The following TAP2 variants were observed in gnomAD, a reference collection of about 807,000 sequenced individuals.
TAP2 encodes the protein antigen peptide transporter 2.
In TAP2, 49 loss-of-function variants were observed where a neutral mutation model predicts 74.7. That is an observed-to-expected ratio of 0.66 (90% CI 0.52 to 0.83). The LOEUF (loss-of-function observed/expected upper bound fraction) is 0.83. Ranked by LOEUF, TAP2 falls within the 40% of genes least tolerant of loss-of-function variation. TAP2 has a pLI of 0.00. For missense variants in TAP2, 739 were observed against 859.0 expected (o/e 0.86, Z 1.75); for synonymous variants, 306 against 368.4 (o/e 0.83, Z 1.94).
chr6:32,828,880 A>G lies in TAP2; in HGVS notation c.*26T>C. On this transcript the variant is annotated 3_prime_UTR_variant, in exon 12 of 12. Coordinates refer to ENST00000374897, the MANE Select transcript of TAP2 (RefSeq NM_001290043.2). The stretch of plus-strand genomic sequence containing the variant: ...TCAGTCCATCAGCCGCTGCTGCACC[A>G]GGCGGGAATAGAGGTCCTGTCCCTC... 1 of 1,524,434 alleles carries G rather than the reference A, an allele frequency of 6.6e-7. No individual in the cohort carries two copies. The highest frequency in any genetic ancestry group is 8.9e-7 in the Non-Finnish European group (1 of 1,128,868). The allele number at this position is 1,524,434 out of a possible 1,614,324, so 94.4% of individuals were successfully genotyped here.
Position 32,829,015 on chromosome 6 carries a change from C to A in TAP2, c.1952G>T (p.Arg651Leu), listed in dbSNP as rs183316663. 2 of 1,550,236 alleles carry A rather than the reference C, an allele frequency of 1.3e-6. No homozygotes were observed. Among genetic ancestry groups the A allele is most frequent in the African/African-American group, 2.7e-5 (2 of 73,160 alleles). Residue 651 changes from arginine (R) to leucine (L), a missense_variant, in exon 12 of 12, where the codon CGT becomes CTT. Arg to Leu is a moderately radical substitution (Grantham distance 102). Coordinates refer to ENST00000374897, the MANE Select transcript of TAP2 (RefSeq NM_001290043.2). ...AATCACCAGCACTGTGCGATCCCCA[C>A]GGGAATTCCAGTCCTGCAGCTGAAG... ...CEQALQDWNSRGDRTVLVIAH... is the reference protein window; with the variant it reads ...CEQALQDWNSLGDRTVLVIAH...
At position 32,828,455 on chromosome 6, in the gene TAP2, C is replaced by T. The variant is rs1323696217; in HGVS notation, c.*451G>A. On this transcript the variant is annotated 3_prime_UTR_variant, in exon 12 of 12. Transcript: ENST00000374897. Reference sequence around the variant, plus strand: ...ACAGATAAACGACTGATGGGACAGGCAGCAAAATAGCAACTATGGTTATCT... The same window carrying T: ...ACAGATAAACGACTGATGGGACAGGTAGCAAAATAGCAACTATGGTTATCT... The T allele has an allele frequency of 1.0e-6, 1 of 983,978 alleles. No individual in the cohort carries two copies. The highest frequency in any genetic ancestry group is 6.1e-5 in the Admixed American group (1 of 16,384). 61.0% of individuals were successfully genotyped at this position (983,978 alleles called of 1,614,324 possible).
rs1769338437 is a variant in TAP2 at position 32,835,238 on chromosome 6, G to A, written c.861C>T (p.Ser287=). The A allele has an allele frequency of 1.9e-6, 3 of 1,613,098 alleles. No homozygotes were observed. Among genetic ancestry groups the A allele is most frequent in the Non-Finnish European group, 2.5e-6 (3 of 1,180,048 alleles). Residue 287 remains serine (S), a synonymous_variant, in exon 5 of 12, where the codon AGC becomes AGT. Transcript: ENST00000374897. The surrounding 1 kb of genome is among the most constrained non-coding windows in gnomAD (Gnocchi z 4.0). ...KVVGLYGFML[S]ISPRLTLLSL... The stretch of plus-strand genomic sequence containing the variant: ...AAAGGAGGGTGAGTCGAGGCGATAT[G>A]CTGAGCATGAAGCCATACAGCCCCA...
At position 32,828,242 on chromosome 6, in the gene TAP2, C is replaced by A. The variant is rs241455; in HGVS notation, c.*664G>T. On this transcript the variant is annotated 3_prime_UTR_variant, in exon 12 of 12. Coordinates refer to ENST00000374897, the MANE Select transcript of TAP2 (RefSeq NM_001290043.2). ...AAAACACTTAGCATAGCTCCTACTC[C>A]CATTAAAACTCTATAAATGGTAGCT... 0.25 allele frequency: 242,340 copies of A among 972,548 alleles called. 31,368 individuals carry two copies. Among genetic ancestry groups the A allele is most frequent in the South Asian group, 0.41 (8,498 of 20,932 alleles). The allele number at this position is 972,548 out of a possible 1,614,324, so 60.2% of individuals were successfully genotyped here.
At chr6:32,836,060 G>T (rs1382932282) in intron 3 of TAP2, among the ~76,000 whole-genome samples, 3 of 152,148 alleles carry the variant, frequency 2.0e-5, no homozygotes, top group African/African-American at 4.8e-5. Context: ...AGACACAATA[G>T]AAAACTACAA....
downstream of TAP2, chr6:32,821,999 A>G: frequency 2.5e-6 from 1 of 392,786 alleles, no homozygotes; most frequent in Non-Finnish European, 4.6e-6. Flanking sequence ...AAACAAAAGA[A>G]ATAGTTAGAA....
rs1260077461 is a variant in TAP2, at chr6:32,830,731, G to A, written c.1348C>T (p.Gln450Ter). 3 of 1,612,908 alleles carry A rather than the reference G, an allele frequency of 1.9e-6. No homozygotes were observed. Among genetic ancestry groups the A allele is most frequent in the Non-Finnish European group, 1.7e-6 (2 of 1,180,030 alleles). Residue 450 changes from glutamine to a stop codon, truncating the protein, a stop_gained, in exon 8 of 12, where the codon CAG becomes TAG. Coordinates refer to ENST00000374897, the MANE Select transcript of TAP2 (RefSeq NM_001290043.2). LOFTEE classifies it high-confidence loss of function. Reference protein sequence around the residue: ...AEKVFSYMDRQPNLPSPGTLA... With the variant: ...AEKVFSYMDR Reference sequence around the variant, plus strand: ...GTGCCAGGTGAAGGCAGATTTGGCTGTCGGTCCATGTAGGAGAAAACCTTC... The same window carrying A: ...GTGCCAGGTGAAGGCAGATTTGGCTATCGGTCCATGTAGGAGAAAACCTTC...
intron 1 of TAP2, 120 bp downstream of exon 1, chr6:32,838,533 C>G: frequency 2.7e-6 from 1 of 364,962 alleles, no homozygotes; most frequent in Non-Finnish European, 4.9e-6. Flanking sequence ...GCTAAGTGGT[C>G]CGGGCTCCGC....
Position 32,830,351 on chromosome 6 carries a change from C to A in TAP2, c.1551G>T (p.Gln517His). Residue 517 changes from glutamine (Q) to histidine (H), a missense_variant, in exon 9 of 12, where the codon CAG (glutamine) becomes CAT (histidine). Transcript: ENST00000374897. ...GTCCCCCTGTGGGCTGGTACAGATT[C>A]TGCAGCAGGGCAGCCACTGTGCTCT... Reference protein sequence around the residue: ...SGKSTVAALLQNLYQPTGGQV... With the variant: ...SGKSTVAALLHNLYQPTGGQV... 1 of 1,613,134 alleles carries A rather than the reference C, an allele frequency of 6.2e-7. No homozygotes were observed. The highest frequency in any genetic ancestry group is 8.5e-7 in the Non-Finnish European group (1 of 1,180,046).
chr6:32,829,045 G>T lies in TAP2; in HGVS notation c.1933-11C>A. On this transcript the variant is annotated splice_polypyrimidine_tract_variant and intron_variant, in intron 11 of 11. Coordinates refer to ENST00000374897, the MANE Select transcript of TAP2 (RefSeq NM_001290043.2). ...ATTCCAGTCCTGCAGCTGAAGGGGT[G>T]ATCACAGTGCCTCAGAAAGACAGGA... The T allele has an allele frequency of 6.5e-7, 1 of 1,542,936 alleles. No homozygotes were observed. Among genetic ancestry groups the T allele is most frequent in the South Asian group, 1.2e-5 (1 of 84,020 alleles).
chr6:32,832,234 G>A lies in TAP2; in HGVS notation c.1272+99C>T. On this transcript the variant is annotated intron_variant, in intron 7 of 11. Coordinates refer to ENST00000374897, the MANE Select transcript of TAP2 (RefSeq NM_001290043.2). The surrounding 1 kb of genome is among the most constrained non-coding windows in gnomAD (Gnocchi z 5.9). ...AAAATTACTTGCGGGTTTTGGTTTT[G>A]TATTGTATTGTTAAAAAGAACAAAT... is the stretch of plus-strand genomic sequence containing the variant. 6.4e-7 allele frequency: 1 copy of A among 1,556,582 alleles called. No homozygotes were observed. The highest frequency in any genetic ancestry group is 8.8e-7 in the Non-Finnish European group (1 of 1,141,360).
At chr6:32,824,171 T>C (rs780493540), downstream of TAP2, among the ~76,000 whole-genome samples, 5 of 152,184 alleles carry the variant, frequency 3.3e-5, no homozygotes, top group Non-Finnish European at 7.4e-5. Flanking sequence ...TTTCTTCCTA[T>C]AATTCTCCTA....
intron 5 of TAP2, among the ~76,000 whole-genome samples, chr6:32,833,395 T>TTTTTGTGATTCACAGATTTGTGA (rs1300086453): frequency 6.6e-6 from 1 of 152,176 alleles, no homozygotes; most frequent in African/African-American, 2.4e-5. Flanking sequence ...TTGTGAATCA[T>TTTTTGTGATTCACAGATTTGTGA]ATATCTGATA....
At position 32,827,734 on chromosome 6, in the gene TAP2, T is replaced by C; in HGVS notation, c.*1172A>G. On this transcript the variant is annotated 3_prime_UTR_variant, in exon 12 of 12. Coordinates refer to ENST00000374897, the MANE Select transcript of TAP2 (RefSeq NM_001290043.2). Reference sequence around the variant, plus strand: ...GGGTGAGACAGATGGGCTGGAACAGTGTGTGCTCTGAAAAGGATCTCTGCA... The same window carrying C: ...GGGTGAGACAGATGGGCTGGAACAGCGTGTGCTCTGAAAAGGATCTCTGCA... 5 of 643,412 alleles carry C rather than the reference T, an allele frequency of 7.8e-6. 1 individual carries two copies. The highest frequency in any genetic ancestry group is 5.5e-6 in the Non-Finnish European group (3 of 549,246). 39.9% of individuals were successfully genotyped at this position (643,412 alleles called of 1,614,324 possible).
intron 5 of TAP2, among the ~76,000 whole-genome samples, chr6:32,833,273 G>A (rs1341646552): frequency 6.6e-6 from 1 of 152,006 alleles, no homozygotes; most frequent in Non-Finnish European, 1.5e-5. Flanking sequence ...AACACCAAAC[G>A]CACAGGCAAC....
chr6:32,837,581 G>A lies in TAP2; in HGVS notation c.564C>T (p.Ala188=), dbSNP rs917406863. 6.2e-7 allele frequency: 1 copy of A among 1,614,118 alleles called. No homozygotes were observed. The highest frequency in any genetic ancestry group is 8.5e-7 in the Non-Finnish European group (1 of 1,180,010). The part of the protein sequence containing the change: ...DILGGDFDPH[A]FASAIFFMCL... ...ACATGAAGAAGATGGCACTGGCAAA[G>A]GCATGGGGGTCAAAATCACCTCCCA... Residue 188 remains alanine (A), a synonymous_variant, in exon 3 of 12, where the codon GCC becomes GCT. Transcript: ENST00000374897.
chr6:32,836,779 G>A (rs13208918), intron 3 of TAP2, among the ~76,000 whole-genome samples: 4,181 of 152,292 alleles, frequency 0.027, 132 homozygotes, highest in African/African-American at 0.07. Flanking sequence ...CCTAAACTTC[G>A]TTATGCAGTG....
chr6:32,838,013 G>T lies in TAP2; in HGVS notation c.221C>A (p.Pro74His). The T allele has an allele frequency of 6.2e-7, 1 of 1,612,498 alleles. No homozygotes were observed. The change falls in exon 2 of 12, where the codon CCC (proline) becomes CAC (histidine). Residue 74 changes from proline to histidine, a missense_variant. Coordinates refer to ENST00000374897, the MANE Select transcript of TAP2 (RefSeq NM_001290043.2). ...TLLLPLCLATPLTVSLRALVA... is the reference protein window; with the variant it reads ...TLLLPLCLATHLTVSLRALVA... Reference sequence around the variant, plus strand: ...CAGGGCTCTCAGGGAGACAGTCAGGGGGGTGGCCAGACAGAGCGGGAGCAG... The same window carrying T: ...CAGGGCTCTCAGGGAGACAGTCAGGTGGGTGGCCAGACAGAGCGGGAGCAG...
At chr6:32,833,073 T>C (rs1769196324) in intron 5 of TAP2, among the ~76,000 whole-genome samples, 1 of 152,232 alleles carries the variant, frequency 6.6e-6, no homozygotes, top group African/African-American at 2.4e-5. Flanking sequence ...GAGGTAATTT[T>C]CCCATCCCCA....
Sources: gnomAD v4.1 joint callset for allele counts (sites outside exome capture counted in the v4.1 genomes callset) on GRCh38, gnomAD v4.1.1 for gene constraint, Gnocchi (gnomAD v3.1) non-coding constraint, MANE v1.5 for transcripts, NCBI Gene and HGNC (gene_info 2026-07-23, HGNC 2026-07-21) for gene names.